The following POU2F1 variants were observed in gnomAD, a reference collection of about 807,000 sequenced individuals.
POU2F1 encodes the protein POU domain, class 2, transcription factor 1.
In POU2F1, 16 loss-of-function variants were observed where a neutral mutation model predicts 84.9. That is an observed-to-expected ratio of 0.19 (90% CI 0.13 to 0.29). The LOEUF (loss-of-function observed/expected upper bound fraction) is 0.29. POU2F1 is among the 10% of genes least tolerant of loss of function. The pLI is 1.00. For synonymous variants in POU2F1, 368 were observed against 368.3 expected (o/e 1.00, Z 0.01); for missense variants, 738 against 942.6 (o/e 0.78, Z 2.84).
chr1:167,345,442 G>A (rs1658127401), intron 2 of POU2F1, among the ~76,000 whole-genome samples: 1 of 152,154 alleles, frequency 6.6e-6, no homozygotes, highest in Non-Finnish European at 1.5e-5. Context: ...AACAAAACTG[G>A]GAATAGAATG....
intron 1 of POU2F1, among the ~76,000 whole-genome samples, chr1:167,226,224 T>G (rs1035166140): frequency 5.3e-5 from 8 of 152,262 alleles, no homozygotes; most frequent in African/African-American, 1.9e-4. Context: ...ATATCTGCTT[T>G]GAATTTCTGT....
chr1:167,254,233 G>C (rs1347099690), intron 1 of POU2F1, among the ~76,000 whole-genome samples: 1 of 152,122 alleles, frequency 6.6e-6, no homozygotes, highest in Non-Finnish European at 1.5e-5. Context: ...TGACTTAAAG[G>C]TTATGATGGA....
intron 2 of POU2F1, among the ~76,000 whole-genome samples, chr1:167,337,291 A>C (rs935727660): frequency 5.3e-5 from 8 of 151,842 alleles, no homozygotes; most frequent in African/African-American, 1.9e-4. Flanking sequence ...ACGCCACTGC[A>C]CTCCAGCCTG....
chr1:167,270,122 C>T (rs1269812724), intron 1 of POU2F1, among the ~76,000 whole-genome samples: 3 of 151,992 alleles, frequency 2.0e-5, no homozygotes, highest in African/African-American at 4.8e-5. Flanking sequence ...GAAGTAATTC[C>T]TTTGTAGGAA....
intron 1 of POU2F1, among the ~76,000 whole-genome samples, chr1:167,265,917 A>G (rs75964217): frequency 0.012 from 1,802 of 152,332 alleles, 37 homozygotes; most frequent in African/African-American, 0.041. Context: ...TCAAGCTTCA[A>G]TTTATGTCAA....
At chr1:167,258,926 G>C (rs779250917) in intron 1 of POU2F1, among the ~76,000 whole-genome samples, 1 of 152,170 alleles carries the variant, frequency 6.6e-6, no homozygotes, top group Non-Finnish European at 1.5e-5. Flanking sequence ...AACTATTCTT[G>C]GCTTGTGGAC....
intron 1 of POU2F1, among the ~76,000 whole-genome samples, chr1:167,277,325 C>G (rs1652799677): frequency 6.6e-6 from 1 of 152,014 alleles, no homozygotes; most frequent in Non-Finnish European, 1.5e-5. Flanking sequence ...CAACCTCACA[C>G]TCCTGGGCTT....
Position 167,220,938 on chromosome 1 carries a change from C to T in POU2F1, c.41C>T (p.Ala14Val), listed in dbSNP as rs1481515840. 3 of 1,535,228 alleles carry T rather than the reference C, an allele frequency of 2.0e-6. No individual in the cohort carries two copies. The highest frequency in any genetic ancestry group is 2.0e-5 in the Admixed American group (1 of 50,972). The change falls in exon 1 of 16, where the codon GCC becomes GTC. Residue 14 changes from alanine to valine, a missense_variant. Ala to Val is a moderately conservative substitution (Grantham distance 64). Around this residue, in one of 4 missense-constraint regions of POU2F1, gnomAD observed 161 missense variants for 147.0 expected, o/e 1.10. Coordinates refer to ENST00000367866, the MANE Select transcript of POU2F1 (RefSeq NM_002697.4). Reference sequence around the variant, plus strand: ...GCAGCGAGTCAAGATGAGAGTTCAGCCGCGGCGGCAGCAGCAGCAGGTAAT... The same window carrying T: ...GCAGCGAGTCAAGATGAGAGTTCAGTCGCGGCGGCAGCAGCAGCAGGTAAT... ...GGAASQDESS[A>V]AAAAAADSRM...
intron 8 of POU2F1, among the ~76,000 whole-genome samples, chr1:167,386,461 C>G (rs1647990384): frequency 6.6e-6 from 1 of 152,210 alleles, no homozygotes; most frequent in Admixed American, 6.5e-5. Flanking sequence ...GTTGAGATGA[C>G]AGGCGTGAGC....
chr1:167,369,492 T>C (rs1191852637), intron 3 of POU2F1, among the ~76,000 whole-genome samples: 7 of 152,234 alleles, frequency 4.6e-5, no homozygotes, highest in Non-Finnish European at 8.8e-5. Context: ...ATCATAGTTA[T>C]TATCATAGTT....
intron 1 of POU2F1, among the ~76,000 whole-genome samples, chr1:167,243,722 C>T (rs190629109): frequency 7.9e-5 from 12 of 152,272 alleles, no homozygotes; most frequent in East Asian, 1.9e-4. Context: ...ATGATCCACC[C>T]GCCTCGGCCT....
intron 2 of POU2F1, among the ~76,000 whole-genome samples, chr1:167,358,040 G>T (rs546003313): frequency 2.6e-5 from 4 of 151,074 alleles, no homozygotes; most frequent in Middle Eastern, 6.9e-3. Flanking sequence ...TTGACCTCGT[G>T]ATCTGCCTGT....
intron 1 of POU2F1, among the ~76,000 whole-genome samples, chr1:167,311,252 T>A (rs980488531): frequency 2.6e-5 from 4 of 152,072 alleles, no homozygotes; most frequent in African/African-American, 7.2e-5. Flanking sequence ...AAATGACACC[T>A]TACCTATGGG....
chr1:167,278,548 T>G (rs1378995132), intron 1 of POU2F1, among the ~76,000 whole-genome samples: 1 of 152,216 alleles, frequency 6.6e-6, no homozygotes, highest in African/African-American at 2.4e-5. Context: ...CTGATTAGGC[T>G]TCAACGATGA....
chr1:167,374,327 C>G (rs759775572), intron 6 of POU2F1, 31 bp downstream of exon 6: 1 of 1,532,498 alleles, frequency 6.5e-7, no homozygotes, highest in South Asian at 1.2e-5. Context: ...GCTGGGGCAG[C>G]AAGTGAGGAA....
chr1:167,396,594 G>A (rs1285788454), intron 10 of POU2F1, 167 bp downstream of exon 10: 7 of 668,778 alleles, frequency 1.0e-5, no homozygotes, highest in Non-Finnish European at 1.7e-5. Flanking sequence ...AAATCAGAAA[G>A]CTGATTCATT....
intron 8 of POU2F1, among the ~76,000 whole-genome samples, chr1:167,389,293 A>T (rs1239088159): frequency 1.3e-5 from 2 of 152,198 alleles, no homozygotes; most frequent in African/African-American, 4.8e-5. Context: ...AAGACATAAG[A>T]TATATGTATT....
intron 2 of POU2F1, among the ~76,000 whole-genome samples, chr1:167,352,482 C>T (rs566559189): frequency 6.6e-6 from 1 of 152,186 alleles, no homozygotes; most frequent in East Asian, 1.9e-4. Flanking sequence ...TGGAGTCCTT[C>T]GTCATTGGAT....
At chr1:167,240,905 G>A (rs1649851393) in intron 1 of POU2F1, among the ~76,000 whole-genome samples, 1 of 152,170 alleles carries the variant, frequency 6.6e-6, no homozygotes, top group Non-Finnish European at 1.5e-5. Flanking sequence ...CACATTGGGA[G>A]GCCTAGGTGG....
Sources: allele counts gnomAD v4.1 joint callset (sites outside exome capture counted in the v4.1 genomes callset), GRCh38; gene constraint gnomAD v4.1.1; regional missense constraint gnomAD v4.1.1; transcripts MANE v1.5; gene names NCBI Gene and HGNC (gene_info 2026-07-23, HGNC 2026-07-21).